PURA: variants seen among roughly 807,000 people sequenced by gnomAD.
PURA encodes purine rich element binding protein A.
Under a neutral mutation model 23.1 loss-of-function variants are expected in PURA, and 2 were observed. The ratio of observed to expected loss-of-function variants is 0.09; its 90% CI spans 0.04 to 0.27. The LOEUF is 0.27. Ranked by LOEUF, PURA falls within the 10% of genes least tolerant of loss-of-function variation. The pLI, the probability that PURA is intolerant of heterozygous loss-of-function variation, is 1.00. For missense variants in PURA, 187 were observed against 449.7 expected, an observed-to-expected ratio of 0.42 and a Z score of 5.28; for synonymous variants, 254 against 205.9, an observed-to-expected ratio of 1.23 and a Z score of -2.00.
chr5:140,114,637 C>T lies in PURA; in HGVS notation c.456C>T (p.Asn152=), dbSNP rs2126749102. The change falls in exon 1 of 1, where the codon AAC becomes AAT. Residue 152 remains asparagine (N), a synonymous_variant. Coordinates refer to ENST00000331327, the MANE Select transcript of PURA (RefSeq NM_005859.5). ...ALKSEFLVRE[N]RKYYMDLKEN... is the part of the protein sequence containing the mutation. ...AAAGCGAGTTCCTGGTGCGCGAGAA[C>T]CGCAAGTACTACATGGATCTCAAGG... is the stretch of plus-strand genomic sequence containing the variant. 2 of 1,610,330 alleles carry T rather than the reference C, an allele frequency of 1.2e-6. No homozygotes were observed. The highest frequency in any genetic ancestry group is 3.3e-5 in the Admixed American group (2 of 59,910).
rs1160993344 is a variant in PURA at position 140,118,463 on chromosome 5, C to G, written c.*3313C>G. 1 of 166,826 alleles carries G rather than the reference C, an allele frequency of 6.0e-6. No homozygotes were observed. The highest frequency in any genetic ancestry group is 1.5e-5 in the Non-Finnish European group (1 of 68,034). The allele number at this position is 166,826 out of a possible 1,614,324, so 10.3% of individuals were successfully genotyped here. A position where few individuals can be genotyped will look rare whatever the true frequency, so the allele number is the denominator to read the frequency against. ...TTAAGCTACTTTTTATTTGTGCCTC[C>G]TATTTATCATGCTGATGTTAGAAGC... On this transcript the variant is annotated 3_prime_UTR_variant, in exon 1 of 1. Coordinates refer to ENST00000331327, the MANE Select transcript of PURA (RefSeq NM_005859.5).
At position 140,125,331 on chromosome 5, in the gene PURA, C is replaced by T. The variant is rs911144161; in HGVS notation, c.*10181C>T. 1 of 167,036 alleles carries T rather than the reference C, an allele frequency of 6.0e-6. No homozygotes were observed. Among genetic ancestry groups the T allele is most frequent in the Non-Finnish European group, 1.5e-5 (1 of 68,118 alleles). The allele number at this position is 167,036 out of a possible 1,614,324, so 10.3% of individuals were successfully genotyped here. A position where few individuals can be genotyped will look rare whatever the true frequency, so the allele number is the denominator to read the frequency against. ...AATTATTGTTAGATGGTGGCCCCTACTAGCAAAATGTGACATTGCAACCAG... is the reference window on the plus strand; with the variant it reads ...AATTATTGTTAGATGGTGGCCCCTATTAGCAAAATGTGACATTGCAACCAG... On this transcript the variant is annotated 3_prime_UTR_variant, in exon 1 of 1. Transcript: ENST00000331327.
rs1581037398 is a variant in PURA, at chr5:140,116,590, C to A, written c.*1440C>A. 1 of 117,280 alleles carries A rather than the reference C, an allele frequency of 8.5e-6. No homozygotes were observed. Among genetic ancestry groups the A allele is most frequent in the African/African-American group, 3.2e-5 (1 of 30,904 alleles). The allele number at this position is 117,280 out of a possible 1,614,324, so 7.3% of individuals were successfully genotyped here. On this transcript the variant is annotated 3_prime_UTR_variant, in exon 1 of 1. Coordinates refer to ENST00000331327, the MANE Select transcript of PURA (RefSeq NM_005859.5). ...GGAGAGCACTTTACCAAGCTGGTGT[C>A]CTCCAAACTGAAATTGTTTGTAACG...
rs199790744 is a variant in PURA at position 140,116,819 on chromosome 5, T to TAAAAAAAAAAAAAAAAAA, written c.*1673_*1690dup. On this transcript the variant is annotated 3_prime_UTR_variant, in exon 1 of 1. Transcript: ENST00000331327. ...TGGAATTCTGTAGAAAGTATTTTGG[T>TAAAAAAAAAAAAAAAAAA]AAAAAAAAAAAAAAAAAAAAAGGGT... 1.0e-5 allele frequency: 1 copy of TAAAAAAAAAAAAAAAAAA among 96,782 alleles called. No homozygotes were observed. Among genetic ancestry groups the TAAAAAAAAAAAAAAAAAA allele is most frequent in the African/African-American group, 4.1e-5 (1 of 24,576 alleles). 6.0% of individuals were successfully genotyped at this position (96,782 alleles called of 1,614,324 possible). A position where few individuals can be genotyped will look rare whatever the true frequency, so the allele number is the denominator to read the frequency against.
rs1763163349 is a variant in PURA at position 140,122,382 on chromosome 5, C to T, written c.*7232C>T. 6.0e-6 allele frequency: 1 copy of T among 166,796 alleles called. No homozygotes were observed. The highest frequency in any genetic ancestry group is 1.5e-5 in the Non-Finnish European group (1 of 68,006). The allele number at this position is 166,796 out of a possible 1,614,324, so 10.3% of individuals were successfully genotyped here. A position where few individuals can be genotyped will look rare whatever the true frequency, so the allele number is the denominator to read the frequency against. ...TTAGATCAAATTATTTGATTTTGTA[C>T]TCCACAAAGACACATATTATTCCTT... On this transcript the variant is annotated 3_prime_UTR_variant, in exon 1 of 1. Transcript: ENST00000331327.
Position 140,114,568 on chromosome 5 carries a change from G to A in PURA, c.387G>A (p.Pro129=), listed in dbSNP as rs777864550. 7 of 1,601,260 alleles carry A rather than the reference G, an allele frequency of 4.4e-6. No individual in the cohort carries two copies. The highest frequency in any genetic ancestry group is 4.5e-5 in the East Asian group (2 of 44,490). Residue 129 remains proline, a synonymous_variant, in exon 1 of 1, where the codon CCG becomes CCA. Coordinates refer to ENST00000331327, the MANE Select transcript of PURA (RefSeq NM_005859.5). ...ACGCGCAGCTGGGCCCCAGCCAGCC[G>A]CCGGACCTGGCCCAGGCGCAGGACG... The part of the protein sequence containing the change: ...EHYAQLGPSQ[P]PDLAQAQDEP...
Position 140,116,912 on chromosome 5 carries a change from C to G in PURA, c.*1762C>G, listed in dbSNP as rs1182246812. ...AAATCCAGCCATATAGATCTAACTGCTGTATGTATAAGACACCACCTGTAG... is the reference window on the plus strand; with the variant it reads ...AAATCCAGCCATATAGATCTAACTGGTGTATGTATAAGACACCACCTGTAG... On this transcript the variant is annotated 3_prime_UTR_variant, in exon 1 of 1. Transcript: ENST00000331327. The G allele has an allele frequency of 6.0e-6, 1 of 165,818 alleles. No homozygotes were observed. The highest frequency in any genetic ancestry group is 1.5e-5 in the Non-Finnish European group (1 of 67,940). 10.3% of individuals were successfully genotyped at this position (165,818 alleles called of 1,614,324 possible). A position where few individuals can be genotyped will look rare whatever the true frequency, so the allele number is the denominator to read the frequency against.
rs1763126678 is a variant in PURA at position 140,119,533 on chromosome 5, T to C, written c.*4383T>C. 2 of 166,794 alleles carry C rather than the reference T, an allele frequency of 1.2e-5. No homozygotes were observed. Among genetic ancestry groups the C allele is most frequent in the African/African-American group, 4.8e-5 (2 of 41,438 alleles). 10.3% of individuals were successfully genotyped at this position (166,794 alleles called of 1,614,324 possible). On this transcript the variant is annotated 3_prime_UTR_variant, in exon 1 of 1. Transcript: ENST00000331327. The stretch of plus-strand genomic sequence containing the variant: ...GGGGAAAAGATAAATCCGTTGATAA[T>C]GAGAATCTGGGTGGGTATCATGGCC...
Position 140,114,445 on chromosome 5 carries a change from C to T in PURA, c.264C>T (p.Ile88=). Residue 88 remains isoleucine (I), a synonymous_variant, in exon 1 of 1, where the codon ATC becomes ATT. Coordinates refer to ENST00000331327, the MANE Select transcript of PURA (RefSeq NM_005859.5). Reference sequence around the variant, plus strand: ...ACGCCAAGGGCCGCTTCCTGAAGATCGCCGAGGTGGGCGCGGGCGGCAACA... The same window carrying T: ...ACGCCAAGGGCCGCTTCCTGAAGATTGCCGAGGTGGGCGCGGGCGGCAACA... The part of the protein sequence containing the change: ...KQNAKGRFLK[I]AEVGAGGNKS... 1 of 1,613,072 alleles carries T rather than the reference C, an allele frequency of 6.2e-7. No individual in the cohort carries two copies. The highest frequency in any genetic ancestry group is 8.5e-7 in the Non-Finnish European group (1 of 1,179,764).
rs2126751995 is a variant in PURA, at chr5:140,120,329, A to G, written c.*5179A>G. 1.2e-5 allele frequency: 2 copies of G among 166,996 alleles called. No individual in the cohort carries two copies. Among genetic ancestry groups the G allele is most frequent in the East Asian group, 3.9e-4 (2 of 5,192 alleles). 10.3% of individuals were successfully genotyped at this position (166,996 alleles called of 1,614,324 possible). A position where few individuals can be genotyped will look rare whatever the true frequency, so the allele number is the denominator to read the frequency against. On this transcript the variant is annotated 3_prime_UTR_variant, in exon 1 of 1. Transcript: ENST00000331327. ...TAATTTATTGGAATTGCTTACATAGATAAATTCACCAAAGTTATTTGTGTA... is the reference window on the plus strand; with the variant it reads ...TAATTTATTGGAATTGCTTACATAGGTAAATTCACCAAAGTTATTTGTGTA...
Position 140,120,687 on chromosome 5 carries a change from C to T in PURA, c.*5537C>T, listed in dbSNP as rs776825466. On this transcript the variant is annotated 3_prime_UTR_variant, in exon 1 of 1. Transcript: ENST00000331327. ...GTAGAATTTCATGATAAAAGAACAA[C>T]CAGATGAAATAAGAAATAATGATTG... is the stretch of plus-strand genomic sequence containing the variant. 6.0e-6 allele frequency: 1 copy of T among 166,142 alleles called. No individual in the cohort carries two copies. The highest frequency in any genetic ancestry group is 1.5e-5 in the Non-Finnish European group (1 of 67,922). The allele number at this position is 166,142 out of a possible 1,614,324, so 10.3% of individuals were successfully genotyped here.
In PURA at chr5:140,117,335, T is replaced by A. The variant is rs888306588; in HGVS notation, c.*2185T>A. ...CATAATGTGACATTTGGAATGCTTA[T>A]CAACTGCATGTAAACATTAATAACC... On this transcript the variant is annotated 3_prime_UTR_variant, in exon 1 of 1. Coordinates refer to ENST00000331327, the MANE Select transcript of PURA (RefSeq NM_005859.5). 1.1e-4 allele frequency: 19 copies of A among 166,978 alleles called. No homozygotes were observed. Among genetic ancestry groups the A allele is most frequent in the African/African-American group, 4.6e-4 (19 of 41,458 alleles). 10.3% of individuals were successfully genotyped at this position (166,978 alleles called of 1,614,324 possible).
Position 140,114,133 on chromosome 5 carries a change from G to A in PURA, c.-49G>A, listed in dbSNP as rs1490816672. 2.3e-6 allele frequency: 1 copy of A among 430,412 alleles called. No homozygotes were observed. Among genetic ancestry groups the A allele is most frequent in the East Asian group, 5.0e-5 (1 of 20,106 alleles). 26.7% of individuals were successfully genotyped at this position (430,412 alleles called of 1,614,324 possible). On this transcript the variant is annotated 5_prime_UTR_variant, in exon 1 of 1. Transcript: ENST00000331327. ...CAGCGGCGGCTGAGGCGACTGAGGC[G>A]GCGGGCGGAGCGGCAGGCGGCGGCG...
chr5:140,115,272 A>T lies in PURA; in HGVS notation c.*122A>T, dbSNP rs1217335740. ...AAAAGTTAAAAAGTTAAAAAAAAAA[A>T]AAAACCTGTTAACTCCAAGGGAGCA... On this transcript the variant is annotated 3_prime_UTR_variant, in exon 1 of 1. Coordinates refer to ENST00000331327, the MANE Select transcript of PURA (RefSeq NM_005859.5). This position sits in a 1 kb window ranked among gnomAD's most constrained non-coding sequence, Gnocchi z 4.1. The T allele has an allele frequency of 4.0e-6, 3 of 747,814 alleles. No homozygotes were observed. The highest frequency in any genetic ancestry group is 4.0e-6 in the Non-Finnish European group (2 of 504,256). The allele number at this position is 747,814 out of a possible 1,614,324, so 46.3% of individuals were successfully genotyped here. A position where few individuals can be genotyped will look rare whatever the true frequency, so the allele number is the denominator to read the frequency against.
chr5:140,120,831 A>T lies in PURA; in HGVS notation c.*5681A>T, dbSNP rs1013113780. The stretch of plus-strand genomic sequence containing the variant: ...AGGTCACTTGTTAACATTTTTCTTA[A>T]CAAGAATGTCATAACTACTCATTCA... On this transcript the variant is annotated 3_prime_UTR_variant, in exon 1 of 1. Transcript: ENST00000331327. 1.8e-5 allele frequency: 3 copies of T among 166,752 alleles called. No homozygotes were observed. Among genetic ancestry groups the T allele is most frequent in the African/African-American group, 7.2e-5 (3 of 41,438 alleles). The allele number at this position is 166,752 out of a possible 1,614,324, so 10.3% of individuals were successfully genotyped here. A position where few individuals can be genotyped will look rare whatever the true frequency, so the allele number is the denominator to read the frequency against.
Position 140,117,552 on chromosome 5 carries a change from T to A in PURA, c.*2402T>A, listed in dbSNP as rs1411183838. ...TTGTTGGAGTACTCCTAGATCACTG[T>A]TTCATAGTAGCCAGCAATAAGTAGT... On this transcript the variant is annotated 3_prime_UTR_variant, in exon 1 of 1. Transcript: ENST00000331327. The A allele has an allele frequency of 6.0e-6, 1 of 167,058 alleles. No individual in the cohort carries two copies. Among genetic ancestry groups the A allele is most frequent in the Non-Finnish European group, 1.5e-5 (1 of 68,092 alleles). 10.3% of individuals were successfully genotyped at this position (167,058 alleles called of 1,614,324 possible).
rs1763032921 is a variant in PURA at position 140,114,134 on chromosome 5, G to A, written c.-48G>A. On this transcript the variant is annotated 5_prime_UTR_variant, in exon 1 of 1. Coordinates refer to ENST00000331327, the MANE Select transcript of PURA (RefSeq NM_005859.5). Reference sequence around the variant, plus strand: ...AGCGGCGGCTGAGGCGACTGAGGCGGCGGGCGGAGCGGCAGGCGGCGGCGG... The same window carrying A: ...AGCGGCGGCTGAGGCGACTGAGGCGACGGGCGGAGCGGCAGGCGGCGGCGG... 4.6e-6 allele frequency: 2 copies of A among 433,608 alleles called. No individual in the cohort carries two copies. Among genetic ancestry groups the A allele is most frequent in the African/African-American group, 2.1e-5 (1 of 47,518 alleles). 26.9% of individuals were successfully genotyped at this position (433,608 alleles called of 1,614,324 possible).
rs1362921334 is a variant in PURA, at chr5:140,114,165, C to T, written c.-17C>T. On this transcript the variant is annotated 5_prime_UTR_variant, in exon 1 of 1. Transcript: ENST00000331327. ...GGAGCGGCAGGCGGCGGCGGCGCGG[C>T]AGCGGAGCGCAGCATCATGGCGGAC... 4.6e-6 allele frequency: 3 copies of T among 657,880 alleles called. No homozygotes were observed. The highest frequency in any genetic ancestry group is 4.7e-5 in the Admixed American group (1 of 21,118). 40.8% of individuals were successfully genotyped at this position (657,880 alleles called of 1,614,324 possible).
Position 140,114,340 on chromosome 5 carries a change from G to C in PURA, c.159G>C (p.Gly53=). The C allele has an allele frequency of 1.3e-6, 2 of 1,523,610 alleles. No individual in the cohort carries two copies. The highest frequency in any genetic ancestry group is 1.8e-6 in the Non-Finnish European group (2 of 1,141,176). The allele number at this position is 1,523,610 out of a possible 1,614,324, so 94.4% of individuals were successfully genotyped here. The part of the protein sequence containing the change: ...SGGGGGGAPG[G]LQHETQELAS... The stretch of plus-strand genomic sequence containing the variant: ...GCGGCGGCGGCGGGGCCCCAGGGGG[G>C]CTGCAGCACGAGACGCAGGAGCTGG... Residue 53 remains glycine, a synonymous_variant, in exon 1 of 1, where the codon GGG becomes GGC. Transcript: ENST00000331327.
Sources: gnomAD v4.1 joint callset for allele counts on GRCh38, gnomAD v4.1.1 for gene constraint, Gnocchi (gnomAD v3.1) non-coding constraint, MANE v1.5 for transcripts, NCBI Gene and HGNC (gene_info 2026-07-23, HGNC 2026-07-21) for gene names.